REDIC1: variants seen among roughly 807,000 people sequenced by gnomAD.
The protein encoded by REDIC1 is regulator of DNA class I crossover intermediates 1.
At chr12:39,740,388 C>G in the REDIC1 span, among the ~76,000 whole-genome samples, 1 of 152,124 alleles carries the variant, frequency 6.6e-6, no homozygotes, top group African/African-American at 2.4e-5. Context: ...ATTCTTATGA[C>G]AAATGTGGAG....
chr12:39,629,311 A>G, the REDIC1 span, among the ~76,000 whole-genome samples: 3 of 152,210 alleles, frequency 2.0e-5, no homozygotes, highest in African/African-American at 7.2e-5. Flanking sequence ...AGACACTTAA[A>G]CAGTTAATAA....
chr12:39,676,046 T>A, the REDIC1 span, among the ~76,000 whole-genome samples: 1 of 151,818 alleles, frequency 6.6e-6, no homozygotes, highest in Admixed American at 6.6e-5. Context: ...CAAGTTTCCG[T>A]AACACCCCCA....
At chr12:39,842,222 C>T in the REDIC1 span, among the ~76,000 whole-genome samples, 1 of 151,990 alleles carries the variant, frequency 6.6e-6, no homozygotes, top group African/African-American at 2.4e-5. Context: ...AAGTAGAAGA[C>T]CAGATTAGAA....
At chr12:39,862,267 T>G in the REDIC1 span, among the ~76,000 whole-genome samples, 2 of 152,234 alleles carry the variant, frequency 1.3e-5, no homozygotes, top group African/African-American at 4.8e-5. Flanking sequence ...AGCTCTAACC[T>G]ACAATATTTT....
chr12:39,646,545 A>G, the REDIC1 span: 2 of 1,321,030 alleles, frequency 1.5e-6, no homozygotes, highest in Non-Finnish European at 2.0e-6. Context: ...TGTATAAAAT[A>G]CTTACCTTCT....
the REDIC1 span, among the ~76,000 whole-genome samples, chr12:39,768,676 A>C: frequency 1.3e-5 from 2 of 152,088 alleles, no homozygotes; most frequent in African/African-American, 2.4e-5. Context: ...TTGACGTCTT[A>C]TACGGGTGCA....
the REDIC1 span, among the ~76,000 whole-genome samples, chr12:39,648,187 A>T: frequency 3.1e-4 from 47 of 151,986 alleles, no homozygotes; most frequent in African/African-American, 8.9e-4. Context: ...AGTGTTTTTT[A>T]AAAAAAATCT....
the REDIC1 span, among the ~76,000 whole-genome samples, chr12:39,693,005 A>G: frequency 6.6e-6 from 1 of 152,026 alleles, no homozygotes; most frequent in Non-Finnish European, 1.5e-5. Context: ...GTTCTAATTT[A>G]TATTTCTCTG....
chr12:39,681,714 C>T, the REDIC1 span, among the ~76,000 whole-genome samples: 2 of 152,174 alleles, frequency 1.3e-5, no homozygotes, highest in Admixed American at 6.5e-5. Context: ...ATTAATCTCT[C>T]TCTTTAACAA....
At chr12:39,723,860 T>C in the REDIC1 span, among the ~76,000 whole-genome samples, 55 of 152,290 alleles carry the variant, frequency 3.6e-4, 1 homozygote, top group Middle Eastern at 6.8e-3. Context: ...GGTAGTTTCA[T>C]GTAATTTACT....
chr12:39,712,700 T>C, the REDIC1 span, among the ~76,000 whole-genome samples: 45 of 4,186 alleles, frequency 0.011, no homozygotes, highest in Non-Finnish European at 0.016. Flanking sequence ...CGTATACGTG[T>C]ATATATGTAT....
chr12:39,681,432 G>T, the REDIC1 span, among the ~76,000 whole-genome samples: 1 of 152,146 alleles, frequency 6.6e-6, no homozygotes, highest in Admixed American at 6.5e-5. Context: ...ACTTGTTCAT[G>T]TAACCAAACA....
At chr12:39,880,043 C>T in the REDIC1 span, among the ~76,000 whole-genome samples, 1 of 151,962 alleles carries the variant, frequency 6.6e-6, no homozygotes, top group African/African-American at 2.4e-5. Flanking sequence ...CCTCACCCTG[C>T]ACTCTCTCTC....
chr12:39,710,424 T>C, the REDIC1 span, among the ~76,000 whole-genome samples: 2 of 151,820 alleles, frequency 1.3e-5, no homozygotes, highest in Non-Finnish European at 2.9e-5. Flanking sequence ...TTATTGCAGA[T>C]CATAATCACT....
At chr12:39,901,988 T>A in the REDIC1 span, among the ~76,000 whole-genome samples, 1 of 151,984 alleles carries the variant, frequency 6.6e-6, no homozygotes, top group Admixed American at 6.6e-5. Flanking sequence ...GTGGCACATA[T>A]ACACCATGGA....
chr12:39,712,311 T>C, the REDIC1 span, among the ~76,000 whole-genome samples: 1 of 47,006 alleles, frequency 2.1e-5, no homozygotes, highest in African/African-American at 5.1e-5. Context: ...CATACATATA[T>C]ATGTATATAT....
the REDIC1 span, among the ~76,000 whole-genome samples, chr12:39,883,158 T>G: frequency 6.6e-6 from 1 of 152,118 alleles, no homozygotes; most frequent in Non-Finnish European, 1.5e-5. Context: ...TCTTTAATAA[T>G]TATAATAAGT....
At chr12:39,628,116 C>T in the REDIC1 span, among the ~76,000 whole-genome samples, 2 of 152,096 alleles carry the variant, frequency 1.3e-5, no homozygotes, top group African/African-American at 4.8e-5. Context: ...GACATCTCAA[C>T]TCTGATGTGG....
At chr12:39,743,809 A>G in the REDIC1 span, among the ~76,000 whole-genome samples, 2 of 152,212 alleles carry the variant, frequency 1.3e-5, no homozygotes, top group African/African-American at 4.8e-5. Flanking sequence ...AAAACAATAA[A>G]AAATAAAAAG....
Sources: gnomAD v4.1 joint callset for allele counts (sites outside exome capture counted in the v4.1 genomes callset) on GRCh38, gnomAD v4.1.1 for gene constraint, MANE v1.5 for transcripts, NCBI Gene and HGNC (gene_info 2026-07-23, HGNC 2026-07-21) for gene names.